PARP9: variants seen among roughly 807,000 people sequenced by gnomAD.
The protein encoded by PARP9 is protein mono-ADP-ribosyltransferase PARP9.
Under a neutral mutation model 68.8 loss-of-function variants are expected in PARP9, and 48 were observed. That is an observed-to-expected ratio of 0.70 (90% CI 0.55 to 0.89). The LOEUF (loss-of-function observed/expected upper bound fraction) is 0.89, where lower values mean the gene tolerates loss of function less well. Among genes scored for constraint, PARP9 ranks in the 40% least tolerant of loss-of-function variants. PARP9 has a pLI of 0.00. For synonymous variants in PARP9, 309 were observed against 333.8 expected (o/e 0.93, Z 0.81); for missense variants, 806 against 969.3 (o/e 0.83, Z 2.24).
intron 4 of PARP9, 76 bp from the exon 5 acceptor site, chr3:122,552,715 C>T (rs2079309826): frequency 9.0e-7 from 1 of 1,109,624 alleles, no homozygotes. Context: ...CTTTACTTCC[C>T]TGAAGAGCTT....
intron 6 of PARP9, among the ~76,000 whole-genome samples, chr3:122,547,104 T>A (rs1415856782): frequency 8.7e-6 from 1 of 115,448 alleles, no homozygotes; most frequent in African/African-American, 3.0e-5. Context: ...ATACACGTAT[T>A]TTTTTTTCTT....
intron 8 of PARP9, among the ~76,000 whole-genome samples, chr3:122,537,864 C>T (rs1402691849): frequency 6.6e-6 from 1 of 151,696 alleles, no homozygotes; most frequent in African/African-American, 2.4e-5. Context: ...TTTTTCCTCC[C>T]ATCCTTGTTT....
At chr3:122,547,731 T>C (rs1438644215) in intron 6 of PARP9, among the ~76,000 whole-genome samples, 1 of 151,966 alleles carries the variant, frequency 6.6e-6, no homozygotes, top group African/African-American at 2.4e-5. Flanking sequence ...CGCATGCCTG[T>C]AGGTCTAACT....
At chr3:122,537,169 T>C in intron 8 of PARP9, 96 bp from the exon 9 acceptor site, 4 of 1,315,610 alleles carry the variant, frequency 3.0e-6, no homozygotes, top group Non-Finnish European at 4.2e-6. Flanking sequence ...AGGAAGGGAT[T>C]AGCCAGTTTA....
At chr3:122,530,168 C>T in intron 10 of PARP9, among the ~76,000 whole-genome samples, 1 of 129,228 alleles carries the variant, frequency 7.7e-6, no homozygotes. Flanking sequence ...CAAAGCAAGG[C>T]CCTGTCTCAA....
In PARP9 at chr3:122,543,380, C is replaced by T. The variant is rs769026221; in HGVS notation, c.1384+2052G>A. On this transcript the variant is annotated intron_variant, in intron 7 of 10. Coordinates refer to ENST00000682323, the MANE Select transcript of PARP9 (RefSeq NM_001146105.2). ...GCAATCTCCACCTCCCACGTTTAAG[C>T]GATTCTCCTGCCTCAGCCTCCCGAG... Among the ~76,000 whole-genome samples the T allele has an allele frequency of 2.8e-4, 42 of 151,424 alleles. 1 individual carries two copies. Among genetic ancestry groups the T allele is most frequent in the African/African-American group, 7.3e-5 (3 of 41,116 alleles).
At chr3:122,536,427 A>C in intron 9 of PARP9, 85 bp from the exon 10 acceptor site, 1 of 1,530,808 alleles carries the variant, frequency 6.5e-7, no homozygotes, top group Non-Finnish European at 8.7e-7. Context: ...AAAATAAAGG[A>C]GCTTATGTGC....
chr3:122,535,869 G>A (rs1576381507), intron 10 of PARP9: 13 of 1,119,614 alleles, frequency 1.2e-5, no homozygotes, highest in African/African-American at 3.4e-5. Flanking sequence ...AAGCCTCAAC[G>A]TGTTCTCTGC....
At chr3:122,536,060 CA>C in intron 10 of PARP9, 107 bp downstream of exon 10, 1 of 1,592,294 alleles carries the variant, frequency 6.3e-7, no homozygotes. Flanking sequence ...ATCACAGTCA[CA>C]AATGATCCCT....
upstream of PARP9, chr3:122,564,342 CT>C: frequency 6.9e-7 from 1 of 1,451,462 alleles, no homozygotes. Flanking sequence ...GAAACTGAAA[CT>C]TTGCGCCCAG....
In PARP9 at chr3:122,528,256, C is replaced by T; in HGVS notation, c.*108G>A. 7.3e-7 allele frequency: 1 copy of T among 1,378,222 alleles called. No individual in the cohort carries two copies. The highest frequency in any genetic ancestry group is 9.9e-7 in the Non-Finnish European group (1 of 1,005,168). The allele number at this position is 1,378,222 out of a possible 1,614,324, so 85.4% of individuals were successfully genotyped here. A position where few individuals can be genotyped will look rare whatever the true frequency, so the allele number is the denominator to read the frequency against. On this transcript the variant is annotated 3_prime_UTR_variant, in exon 11 of 11. Transcript: ENST00000682323. ...CTTTCAATAACCCAGTCAGTCCATACAGATAACCCATGGGATATATTCAAG... is the reference window on the plus strand; with the variant it reads ...CTTTCAATAACCCAGTCAGTCCATATAGATAACCCATGGGATATATTCAAG...
At chr3:122,535,348 T>G (rs1238789622) in intron 10 of PARP9, 1 of 985,398 alleles carries the variant, frequency 1.0e-6, no homozygotes, top group East Asian at 1.1e-4. Flanking sequence ...AAAAGATGAT[T>G]TCTAGAGCCT....
chr3:122,539,501 G>A (rs1241223729), intron 8 of PARP9, among the ~76,000 whole-genome samples: 1 of 136,792 alleles, frequency 7.3e-6, no homozygotes, highest in Non-Finnish European at 1.6e-5. Context: ...TATCTCCCAA[G>A]ATGGCATTTC....
intron 8 of PARP9, among the ~76,000 whole-genome samples, 197 bp downstream of exon 8, chr3:122,540,274 TG>T (rs2078093836): frequency 6.6e-6 from 1 of 152,190 alleles, no homozygotes; most frequent in Non-Finnish European, 1.5e-5. Context: ...TGTTTGTGTA[TG>T]TGTTCACAAA....
rs1559853607 is a variant in PARP9 at position 122,550,590 on chromosome 3, TATCTCCAA to T, written c.1312_1319del (p.Leu438IlefsTer2). 1.2e-6 allele frequency: 2 copies of T among 1,604,356 alleles called. No individual in the cohort carries two copies. Among genetic ancestry groups the T allele is most frequent in the Non-Finnish European group, 1.7e-6 (2 of 1,172,606 alleles). ...TTCTAAGATATTAACTTACCTTATA[TATCTCCAA>T]ATCTGTTGGAAAGATCACAAATTTT... On this transcript the variant is annotated frameshift_variant, in exon 6 of 11. Coordinates refer to ENST00000682323, the MANE Select transcript of PARP9 (RefSeq NM_001146105.2). LOFTEE classifies it high-confidence loss of function.
Position 122,540,474 on chromosome 3 carries a change from A to G in PARP9, c.1763T>C (p.Leu588Ser), listed in dbSNP as rs766112814. 1 of 1,612,100 alleles carries G rather than the reference A, an allele frequency of 6.2e-7. No homozygotes were observed. The highest frequency in any genetic ancestry group is 1.3e-5 in the African/African-American group (1 of 74,792). The change falls in exon 8 of 11, where the codon TTA becomes TCA. Residue 588 changes from leucine to serine, a missense_variant and splice_region_variant. Leu to Ser is a moderately radical substitution (Grantham distance 145, BLOSUM62 -2). This residue lies in a region of PARP9 where 680 missense variants were observed against 858.8 expected (regional missense o/e 0.79). Coordinates refer to ENST00000682323, the MANE Select transcript of PARP9 (RefSeq NM_001146105.2). The stretch of plus-strand genomic sequence containing the variant: ...TAATTTGATAGAAAGTTACTCACCT[A>G]ACGAGCGCCAAAGGCCTCGCTCCTT... ...RKKERGLWRS[L>S]GQWTIQQQKT... is the part of the protein sequence containing the mutation.
intron 10 of PARP9, among the ~76,000 whole-genome samples, chr3:122,529,855 G>A (rs903054907): frequency 3.2e-4 from 48 of 151,406 alleles, no homozygotes; most frequent in African/African-American, 1.1e-3. Context: ...CATCTAATAA[G>A]AGAAGACGGA....
chr3:122,532,585 A>G (rs1269588743), intron 10 of PARP9: 4 of 243,528 alleles, frequency 1.6e-5, no homozygotes, highest in East Asian at 3.6e-4. Flanking sequence ...ATAGAGCCAT[A>G]AAGGAAATGA....
At position 122,536,330 on chromosome 3, in the gene PARP9, C is replaced by T. The variant is rs776932998; in HGVS notation, c.1918G>A (p.Asp640Asn). The T allele has an allele frequency of 1.2e-6, 2 of 1,613,996 alleles. No individual in the cohort carries two copies. Among genetic ancestry groups the T allele is most frequent in the South Asian group, 2.2e-5 (2 of 91,070 alleles). The part of the protein sequence containing the change: ...GLQVLKVEKI[D>N]NEVLMAAFQR... ...AAGGCAGCCATAAGGACCTCATTGT[C>T]TATCTTCTCCACCTAGAACCATAGA... is the stretch of plus-strand genomic sequence containing the variant. Residue 640 changes from aspartate (D) to asparagine (N), a missense_variant, in exon 10 of 11, where the codon GAC (aspartate) becomes AAC (asparagine). Coordinates refer to ENST00000682323, the MANE Select transcript of PARP9 (RefSeq NM_001146105.2).
Sources: gnomAD v4.1 joint callset for allele counts (sites outside exome capture counted in the v4.1 genomes callset) on GRCh38, gnomAD v4.1.1 for gene constraint, gnomAD v4.1.1 regional missense constraint, MANE v1.5 for transcripts, NCBI Gene and HGNC (gene_info 2026-07-23, HGNC 2026-07-21) for gene names.